SARNP: variants seen among roughly 807,000 people sequenced by gnomAD.
The protein encoded by SARNP is SAP domain containing ribonucleoprotein.
A neutral mutation model predicts 38.1 loss-of-function variants in SARNP; 5 were observed. The ratio of observed to expected loss-of-function variants is 0.13; its 90% CI spans 0.07 to 0.28. The LOEUF is 0.28. Among genes scored for constraint, SARNP ranks in the 10% least tolerant of loss-of-function variants. The pLI is 1.00. For synonymous variants in SARNP, 84 were observed against 80.6 expected (o/e 1.04, Z -0.23); for missense variants, 180 against 243.9 (o/e 0.74, Z 1.75).
intron 9 of SARNP, among the ~76,000 whole-genome samples, chr12:55,770,514 C>T (rs1209086294): frequency 6.6e-6 from 1 of 151,848 alleles, no homozygotes; most frequent in Non-Finnish European, 1.5e-5. Context: ...GCTGTGATTA[C>T]AGGCATGAGC....
chr12:55,761,538 G>T (rs1171041462), intron 9 of SARNP: 1 of 152,210 alleles, frequency 6.6e-6, no homozygotes, highest in Non-Finnish European at 1.5e-5. Context: ...CATTTTCCAA[G>T]CATCTGTGAA....
At chr12:55,804,990 G>A (rs1443136981) in intron 1 of SARNP, among the ~76,000 whole-genome samples, 5 of 152,348 alleles carry the variant, frequency 3.3e-5, no homozygotes, top group South Asian at 2.1e-4. Flanking sequence ...ATGGCCGGGC[G>A]CGGTGGCTCA....
rs113454874 is a variant in SARNP at position 55,758,624 on chromosome 12, G to A, written c.592-1071C>T. 2.5e-4 allele frequency among the ~76,000 whole-genome samples: 38 copies of A among 151,776 alleles called. 1 individual carries two copies. Among genetic ancestry groups the A allele is most frequent in the South Asian group, 8.4e-4 (4 of 4,782 alleles). ...CGCACCACTGCACTCCAGCCTGGACGACAGAGCGAGACTCCATCTCAAAAA... is the reference window on the plus strand; with the variant it reads ...CGCACCACTGCACTCCAGCCTGGACAACAGAGCGAGACTCCATCTCAAAAA... On this transcript the variant is annotated intron_variant, in intron 10 of 10. Transcript: ENST00000336133.
At chr12:55,764,084 C>T (rs1289392470) in intron 9 of SARNP, among the ~76,000 whole-genome samples, 1 of 152,212 alleles carries the variant, frequency 6.6e-6, no homozygotes, top group Non-Finnish European at 1.5e-5. Flanking sequence ...ACTAGGACCC[C>T]TTCTTCTAAC....
At chr12:55,758,642 C>T (rs565367101) in intron 10 of SARNP, among the ~76,000 whole-genome samples, 6 of 150,662 alleles carry the variant, frequency 4.0e-5, no homozygotes, top group African/African-American at 1.5e-4. Flanking sequence ...GAGACTCCAT[C>T]TCAAAAAAAA....
intron 2 of SARNP, 131 bp downstream of exon 2, chr12:55,803,492 AAAAGAG>A: frequency 1.9e-6 from 1 of 519,442 alleles, no homozygotes; most frequent in Non-Finnish European, 3.4e-6. Flanking sequence ...TCAAAAAAAA[AAAAGAG>A]AGAGTTTTCT....
In SARNP at chr12:55,757,638, G is replaced by C. The variant is rs1878551883; in HGVS notation, c.592-85C>G. The C allele has an allele frequency of 9.4e-6, 10 of 1,063,398 alleles. No individual in the cohort carries two copies. The East Asian group carries it at 2.5e-4, about 27-fold the overall frequency. 65.9% of individuals were successfully genotyped at this position (1,063,398 alleles called of 1,614,324 possible). On this transcript the variant is annotated intron_variant, in intron 10 of 10. Coordinates refer to ENST00000336133, the MANE Select transcript of SARNP (RefSeq NM_033082.4). ...TGGCTGCTTTAATCCAAACTCACAT[G>C]AACTGTCACAAGGCCCGAGAAGGAA...
At chr12:55,766,836 G>A (rs1878852005) in intron 9 of SARNP, among the ~76,000 whole-genome samples, 1 of 152,040 alleles carries the variant, frequency 6.6e-6, no homozygotes, top group African/African-American at 2.4e-5. Context: ...TGCCCAGGCT[G>A]GTCTTGAACT....
chr12:55,777,370 CTTTTT>C lies in SARNP; in HGVS notation c.501+11700_501+11704del, dbSNP rs111979451. On this transcript the variant is annotated intron_variant, in intron 9 of 10. Coordinates refer to ENST00000336133, the MANE Select transcript of SARNP (RefSeq NM_033082.4). ...TTTCTCTAAATTTTAAAAACTTTTC[CTTTTT>C]TTTTTATTTTTTTTTTTGAGATGGA... Among the ~76,000 whole-genome samples the C allele has an allele frequency of 1.7e-4, 25 of 148,022 alleles. No individual in the cohort carries two copies. The East Asian group carries it at 2.8e-3, about 16-fold the overall frequency.
At chr12:55,809,476 T>C (rs954253518) in intron 1 of SARNP, among the ~76,000 whole-genome samples, 1 of 150,328 alleles carries the variant, frequency 6.7e-6, no homozygotes, top group African/African-American at 2.5e-5. Context: ...ACCAGCTAGG[T>C]AGGCACAGTG....
chr12:55,778,949 C>T (rs1290418459), intron 9 of SARNP, among the ~76,000 whole-genome samples: 12 of 152,010 alleles, frequency 7.9e-5, no homozygotes, highest in East Asian at 1.9e-4. Flanking sequence ...CCAGCCTGGG[C>T]GACAGGGCGA....
intron 1 of SARNP, among the ~76,000 whole-genome samples, chr12:55,814,873 T>TA (rs779186349): frequency 0.034 from 4,550 of 135,264 alleles, 146 homozygotes; most frequent in Admixed American, 0.12. Flanking sequence ...CATCTCAATT[T>TA]AAAAAAAAAA....
chr12:55,788,169 T>C (rs1372943996), intron 9 of SARNP, among the ~76,000 whole-genome samples: 2 of 152,188 alleles, frequency 1.3e-5, no homozygotes, highest in Non-Finnish European at 2.9e-5. Flanking sequence ...TCTAGGCAAA[T>C]AGAAAAATCC....
At chr12:55,777,084 G>T (rs1316508611) in intron 9 of SARNP, among the ~76,000 whole-genome samples, 2 of 152,136 alleles carry the variant, frequency 1.3e-5, no homozygotes, top group African/African-American at 4.8e-5. Context: ...CATTATGGAG[G>T]GGGTATTGAC....
chr12:55,795,995 G>A, intron 5 of SARNP, 30 bp downstream of exon 5: 2 of 1,487,060 alleles, frequency 1.3e-6, no homozygotes, highest in African/African-American at 1.4e-5. Flanking sequence ...GAAATGTAGA[G>A]ACTGTTCTAC....
chr12:55,760,948 G>A (rs879857085), intron 9 of SARNP, among the ~76,000 whole-genome samples: 15 of 152,108 alleles, frequency 9.9e-5, no homozygotes, highest in Middle Eastern at 3.4e-3. Flanking sequence ...AGGCTGAGGC[G>A]GGTGGATCAG....
intron 9 of SARNP, among the ~76,000 whole-genome samples, chr12:55,766,622 G>GC (rs1233072165): frequency 1.5e-5 from 2 of 131,784 alleles, no homozygotes; most frequent in Non-Finnish European, 3.3e-5. Context: ...TTGGCGGGGG[G>GC]GGGGGGGGGG....
intron 9 of SARNP, among the ~76,000 whole-genome samples, chr12:55,764,094 C>T (rs1221102069): frequency 6.6e-6 from 1 of 152,210 alleles, no homozygotes; most frequent in Non-Finnish European, 1.5e-5. Context: ...CTTCTTCTAA[C>T]GTACCATATA....
Position 55,764,607 on chromosome 12 carries a change from C to T in SARNP, c.502-3967G>A, listed in dbSNP as rs151254630. Among the ~76,000 whole-genome samples the T allele has an allele frequency of 1.7e-3, 261 of 150,792 alleles. 1 individual carries two copies. Among genetic ancestry groups the T allele is most frequent in the African/African-American group, 5.8e-3 (239 of 41,030 alleles). ...ATCCCAGCACTTTGGGAGGCCGAGG[C>T]AGGCAAATCACAAGGTCAAGATATA... On this transcript the variant is annotated intron_variant, in intron 9 of 10. Transcript: ENST00000336133.
Sources: allele counts gnomAD v4.1 joint callset (sites outside exome capture counted in the v4.1 genomes callset), GRCh38; gene constraint gnomAD v4.1.1; transcripts MANE v1.5; gene names NCBI Gene and HGNC (gene_info 2026-07-23, HGNC 2026-07-21).